The following CD2 variants were observed in gnomAD, a reference collection of about 807,000 sequenced individuals.
The protein encoded by CD2 is CD2 molecule, also known as T-cell surface antigen CD2.
CD2 carries 18 observed loss-of-function variants against 23.2 expected under a neutral mutation model. The observed-to-expected ratio is 0.77, with a 90% CI of 0.54 to 1.15. The LOEUF is 1.15. CD2 is among the 50% of genes most tolerant of loss of function. The pLI, the probability that CD2 is intolerant of heterozygous loss-of-function variation, is 0.00. For missense variants in CD2, 424 were observed against 423.1 expected, an observed-to-expected ratio of 1.00 and a Z score of -0.02; for synonymous variants, 162 against 151.9, an observed-to-expected ratio of 1.07 and a Z score of -0.49.
Position 116,754,504 on chromosome 1 carries a change from A to T in CD2, c.12A>T (p.Pro4=). The T allele has an allele frequency of 6.2e-7, 1 of 1,614,058 alleles. No homozygotes were observed. The highest frequency in any genetic ancestry group is 8.5e-7 in the Non-Finnish European group (1 of 1,179,990). Reference sequence around the variant, plus strand: ...AACCAACCCCTAAGATGAGCTTTCCATGTAAATTTGTAGCCAGCTTCCTTC... The same window carrying T: ...AACCAACCCCTAAGATGAGCTTTCCTTGTAAATTTGTAGCCAGCTTCCTTC... MSF[P]CKFVASFLLI... is the part of the protein sequence containing the mutation. The change falls in exon 1 of 5, where the codon CCA becomes CCT. Residue 4 remains proline (P), a synonymous_variant. Coordinates refer to ENST00000369478, the MANE Select transcript of CD2 (RefSeq NM_001767.5).
At chr1:116,765,598 C>T (rs1300039560) in intron 4 of CD2, among the ~76,000 whole-genome samples, 2 of 152,220 alleles carry the variant, frequency 1.3e-5, no homozygotes, top group Non-Finnish European at 2.9e-5. Context: ...TCATCCTGAA[C>T]TTAGTCCCAT....
chr1:116,767,034 A>G (rs143934298), intron 4 of CD2, among the ~76,000 whole-genome samples: 3,628 of 152,216 alleles, frequency 0.024, 87 homozygotes, highest in Admixed American at 0.06. Flanking sequence ...TAACCTAAGC[A>G]ATGACTGCAG....
intron 3 of CD2, among the ~76,000 whole-genome samples, chr1:116,761,625 T>C (rs1479890733): frequency 2.6e-5 from 4 of 152,176 alleles, no homozygotes; most frequent in African/African-American, 7.2e-5. Context: ...TTCTGTTCAT[T>C]AGAAGCAAGT....
chr1:116,768,815 G>C lies in CD2; in HGVS notation c.*32G>C, dbSNP rs144225075. On this transcript the variant is annotated 3_prime_UTR_variant, in exon 5 of 5. Transcript: ENST00000369478. ...TAGAAACTGTCTTTTTCAATAAAAA[G>C]CACTGTGGATTTCTGCCCTCCTGAT... 1,333 of 1,577,158 alleles carry C rather than the reference G, an allele frequency of 8.5e-4. 10 individuals are homozygous for C. In the African/African-American group the frequency reaches 0.017, roughly 20 times the overall value.
intron 4 of CD2, 36 bp from the exon 5 acceptor site, chr1:116,768,428 G>T: frequency 6.3e-7 from 1 of 1,589,114 alleles, no homozygotes; most frequent in Non-Finnish European, 8.6e-7. Flanking sequence ...ATTTCACCTG[G>T]CCAAGATGAA....
In CD2 at chr1:116,768,850, C is replaced by T. The variant is rs374981901; in HGVS notation, c.*67C>T. 1.2e-5 allele frequency: 17 copies of T among 1,444,798 alleles called. No individual in the cohort carries two copies. Among genetic ancestry groups the T allele is most frequent in the East Asian group, 4.6e-5 (2 of 43,840 alleles). 89.5% of individuals were successfully genotyped at this position (1,444,798 alleles called of 1,614,324 possible). A position where few individuals can be genotyped will look rare whatever the true frequency, so the allele number is the denominator to read the frequency against. ...TTTCTGCCCTCCTGATGTGCATATC[C>T]GTACTTCCATGAGGTGTTTTCTGTG... is the stretch of plus-strand genomic sequence containing the variant. On this transcript the variant is annotated 3_prime_UTR_variant, in exon 5 of 5. Coordinates refer to ENST00000369478, the MANE Select transcript of CD2 (RefSeq NM_001767.5).
At chr1:116,767,902 C>A (rs1652264800) in intron 4 of CD2, among the ~76,000 whole-genome samples, 1 of 152,124 alleles carries the variant, frequency 6.6e-6, no homozygotes, top group Non-Finnish European at 1.5e-5. Context: ...TCTTTCCCTC[C>A]TAAGGCCAAG....
chr1:116,761,570 T>C (rs1302161017), intron 3 of CD2, among the ~76,000 whole-genome samples: 2 of 152,220 alleles, frequency 1.3e-5, no homozygotes, highest in Non-Finnish European at 2.9e-5. Flanking sequence ...CGTGGTCTTT[T>C]TGTAACTTAA....
At chr1:116,764,865 A>G (rs1345667487) in intron 4 of CD2, among the ~76,000 whole-genome samples, 1 of 152,212 alleles carries the variant, frequency 6.6e-6, no homozygotes, top group Admixed American at 6.5e-5. Flanking sequence ...ACTGAGGCCT[A>G]CTTGGTGACA....
At chr1:116,761,821 GC>G (rs1442776699) in intron 3 of CD2, among the ~76,000 whole-genome samples, 1 of 152,104 alleles carries the variant, frequency 6.6e-6, no homozygotes, top group African/African-American at 2.4e-5. Context: ...AAGTGAAGTT[GC>G]CTCTCCTTGA....
intron 1 of CD2, 22 bp from the exon 2 acceptor site, chr1:116,754,609 G>C: frequency 6.2e-7 from 1 of 1,608,496 alleles, no homozygotes. Context: ...GTGACTCTCA[G>C]TAACTCTTTT....
At chr1:116,766,500 A>G (rs1372337967) in intron 4 of CD2, among the ~76,000 whole-genome samples, 2 of 152,212 alleles carry the variant, frequency 1.3e-5, no homozygotes, top group Non-Finnish European at 2.9e-5. Flanking sequence ...ATTTGTGTCT[A>G]AGTCACAATG....
chr1:116,767,591 CAAAA>C (rs573721647), intron 4 of CD2, among the ~76,000 whole-genome samples: 2 of 71,790 alleles, frequency 2.8e-5, no homozygotes, highest in Non-Finnish European at 3.2e-5. Context: ...AACTTCAACT[CAAAA>C]AAAAAAAAAA....
Position 116,768,839 on chromosome 1 carries a change from A to T in CD2, c.*56A>T. On this transcript the variant is annotated 3_prime_UTR_variant, in exon 5 of 5. Transcript: ENST00000369478. Reference sequence around the variant, plus strand: ...AGCACTGTGGATTTCTGCCCTCCTGATGTGCATATCCGTACTTCCATGAGG... The same window carrying T: ...AGCACTGTGGATTTCTGCCCTCCTGTTGTGCATATCCGTACTTCCATGAGG... 9 of 1,505,064 alleles carry T rather than the reference A, an allele frequency of 6.0e-6. No individual in the cohort carries two copies. Among genetic ancestry groups the T allele is most frequent in the South Asian group, 5.0e-5 (4 of 79,532 alleles). 93.2% of individuals were successfully genotyped at this position (1,505,064 alleles called of 1,614,324 possible).
chr1:116,758,734 G>A (rs990126987), intron 2 of CD2, among the ~76,000 whole-genome samples: 5 of 152,226 alleles, frequency 3.3e-5, no homozygotes, highest in African/African-American at 4.8e-5. Context: ...TTAGCATTGC[G>A]GCGGAAATAA....
Position 116,759,248 on chromosome 1 carries a change from G to A in CD2, c.383-1154G>A, listed in dbSNP as rs1651957788. 2.0e-5 allele frequency among the ~76,000 whole-genome samples: 3 copies of A among 152,152 alleles called. No individual in the cohort carries two copies. The South Asian group carries it at 6.2e-4, about 32-fold the overall frequency. On this transcript the variant is annotated intron_variant, in intron 2 of 4. Transcript: ENST00000369478. ...AAAACTTTTAATTTAATTTCTGCATGCCTATATATATCGGGACATAAATGA... is the reference window on the plus strand; with the variant it reads ...AAAACTTTTAATTTAATTTCTGCATACCTATATATATCGGGACATAAATGA...
chr1:116,760,680 T>C, intron 3 of CD2, 48 bp downstream of exon 3: 5 of 1,420,472 alleles, frequency 3.5e-6, no homozygotes, highest in Non-Finnish European at 5.0e-6. Flanking sequence ...AGGCCCTCAG[T>C]AGGCAGAGGC....
rs746292283 is a variant in CD2 at position 116,768,671 on chromosome 1, C to T, written c.944C>T (p.Pro315Leu). 28 of 1,614,032 alleles carry T rather than the reference C, an allele frequency of 1.7e-5. No individual in the cohort carries two copies. Among genetic ancestry groups the T allele is most frequent in the Middle Eastern group, 1.6e-4 (1 of 6,084 alleles). ...QHQPQKRPPA[P>L]SGTQVHQQKG... ...CAGCCTCAGAAGAGGCCTCCTGCTC[C>T]GTCGGGCACACAAGTTCACCAGCAG... The change falls in exon 5 of 5, where the codon CCG becomes CTG. Residue 315 changes from proline (P) to leucine (L), a missense_variant. Coordinates refer to ENST00000369478, the MANE Select transcript of CD2 (RefSeq NM_001767.5).
At chr1:116,762,787 A>T (rs1353650321) in intron 3 of CD2, among the ~76,000 whole-genome samples, 1 of 152,220 alleles carries the variant, frequency 6.6e-6, no homozygotes, top group East Asian at 1.9e-4. Flanking sequence ...TGCTTCTGAA[A>T]CATGATGGAA....
Sources: gnomAD v4.1 joint callset for allele counts (sites outside exome capture counted in the v4.1 genomes callset) on GRCh38, gnomAD v4.1.1 for gene constraint, MANE v1.5 for transcripts, NCBI Gene and HGNC (gene_info 2026-07-23, HGNC 2026-07-21) for gene names.